NUP62CL: variants seen among roughly 807,000 people sequenced by gnomAD.
NUP62CL encodes the protein nucleoporin-62 C-terminal-like protein.
A neutral mutation model predicts 15.3 loss-of-function variants in NUP62CL; 13 were observed. That is an observed-to-expected ratio of 0.85 (90% CI 0.55 to 1.35). The LOEUF is 1.35. NUP62CL is among the 40% of genes most tolerant of loss of function. The probability of loss-of-function intolerance (pLI) is 0.00; values close to 1 mark genes in which losing one functional copy is unlikely to be tolerated. For missense variants in NUP62CL, 123 were observed against 130.6 expected (o/e 0.94, Z 0.28); for synonymous variants, 54 against 49.2 (o/e 1.10, Z -0.41).
At chrX:107,134,602 T>C in intron 8 of NUP62CL, among the ~76,000 whole-genome samples, 1 of 110,886 alleles carries the variant, frequency 9.0e-6, no homozygotes, top group Middle Eastern at 4.7e-3. Context: ...TACAGGCGTG[T>C]GCGACCATGC....
chrX:107,138,041 T>G (rs1925681114), intron 8 of NUP62CL, among the ~76,000 whole-genome samples: 1 of 111,709 alleles, frequency 9.0e-6, no homozygotes, highest in African/African-American at 3.3e-5. Flanking sequence ...TGTTGTTGTT[T>G]TTTAAGGCAC....
chrX:107,177,848 T>A (rs1926820657), intron 2 of NUP62CL, among the ~76,000 whole-genome samples: 1 of 111,625 alleles, frequency 9.0e-6, no homozygotes, highest in South Asian at 3.8e-4. Flanking sequence ...CTCTTAGGGA[T>A]ACATATATAT....
chrX:107,144,035 C>A (rs868450323), intron 8 of NUP62CL, among the ~76,000 whole-genome samples: 1 of 111,437 alleles, frequency 9.0e-6, no homozygotes, highest in Admixed American at 9.6e-5. Flanking sequence ...TTTTTCATGG[C>A]CTCCTTTGTC....
At chrX:107,172,168 A>C (rs1926668759) in intron 3 of NUP62CL, among the ~76,000 whole-genome samples, 1 of 108,074 alleles carries the variant, frequency 9.3e-6, no homozygotes, top group Admixed American at 1.0e-4. Context: ...TACTAAAAAA[A>C]AAAAAAAAAA....
chrX:107,204,424 C>A (rs968961731), intron 1 of NUP62CL, among the ~76,000 whole-genome samples: 17 of 111,041 alleles, frequency 1.5e-4, no homozygotes, highest in Admixed American at 2.9e-4. Flanking sequence ...CATCCCCCAC[C>A]CCGCTACTTC....
At chrX:107,161,277 A>G (rs1442206082) in intron 4 of NUP62CL, among the ~76,000 whole-genome samples, 1 of 101,701 alleles carries the variant, frequency 9.8e-6, no homozygotes, top group Non-Finnish European at 2.0e-5. Flanking sequence ...CCATCCCATT[A>G]CTGGGTATAT....
At chrX:107,127,422 G>T (rs940942161) in intron 8 of NUP62CL, among the ~76,000 whole-genome samples, 2 of 111,928 alleles carry the variant, frequency 1.8e-5, no homozygotes, top group Non-Finnish European at 3.8e-5. Flanking sequence ...ATTGGTTAAG[G>T]TGGTATATTT....
chrX:107,153,406 A>G (rs772541581), intron 6 of NUP62CL, 48 bp downstream of exon 6: 5 of 1,108,868 alleles, frequency 4.5e-6, no homozygotes. Flanking sequence ...AACACTGAAT[A>G]AAAAGATAGG....
chrX:107,170,116 G>A (rs554061746), intron 3 of NUP62CL, among the ~76,000 whole-genome samples: 8 of 104,653 alleles, frequency 7.6e-5, no homozygotes, highest in African/African-American at 2.1e-4. Context: ...CTAAGTGAGC[G>A]ACAGAGCGAG....
chrX:107,181,694 A>C (rs780556641), intron 2 of NUP62CL, among the ~76,000 whole-genome samples: 1 of 111,858 alleles, frequency 8.9e-6, no homozygotes, highest in Non-Finnish European at 1.9e-5. Context: ...TGTATAGATT[A>C]ATTCAAAGAT....
At chrX:107,164,896 C>T (rs888496955) in intron 4 of NUP62CL, among the ~76,000 whole-genome samples, 29 of 112,482 alleles carry the variant, frequency 2.6e-4, no homozygotes, top group African/African-American at 8.7e-4. Context: ...GTCAGGAGTT[C>T]GAGACCAGCC....
chrX:107,136,670 A>G lies in NUP62CL; in HGVS notation c.*42+11073T>C, dbSNP rs764813759. On this transcript the variant is annotated intron_variant, in intron 8 of 8. Transcript: ENST00000372466. Reference sequence around the variant, plus strand: ...ATCTCTCATACATTTAAAAATCCTCAACAAAAGACTAGATGTATTTGGCTA... The same window carrying G: ...ATCTCTCATACATTTAAAAATCCTCGACAAAAGACTAGATGTATTTGGCTA... Among the ~76,000 whole-genome samples, 8 of 112,597 alleles carry G rather than the reference A, an allele frequency of 7.1e-5. No individual in the cohort carries two copies. The South Asian group carries it at 2.9e-3, about 41-fold the overall frequency.
In NUP62CL at chrX:107,154,186, GTTCCAC is replaced by G. The variant is rs1300584181; in HGVS notation, c.249_254del (p.Glu83_Asn85delinsAsp). 2 of 1,205,380 alleles carry G rather than the reference GTTCCAC, an allele frequency of 1.7e-6. No homozygotes were observed. The highest frequency in any genetic ancestry group is 2.2e-6 in the Non-Finnish European group (2 of 890,237). On this transcript the variant is annotated inframe_deletion, in exon 5 of 9. Coordinates refer to ENST00000372466, the MANE Select transcript of NUP62CL (RefSeq NM_017681.3). ...ACTTCTCTTGATCTTCCAGCTCAAG[GTTCCAC>G]TCATTTATAAGACCCTCCAGATGAC...
intron 2 of NUP62CL, among the ~76,000 whole-genome samples, chrX:107,177,562 C>A (rs1448855930): frequency 1.8e-5 from 2 of 111,569 alleles, no homozygotes; most frequent in Non-Finnish European, 3.8e-5. Context: ...GCAGATGTGA[C>A]TGCAAGAGAA....
At chrX:107,126,731 A>C (rs1843770370) in intron 8 of NUP62CL, among the ~76,000 whole-genome samples, 1 of 112,649 alleles carries the variant, frequency 8.9e-6, no homozygotes, top group African/African-American at 3.2e-5. Context: ...TGCTAAAACT[A>C]TATTTTAAAA....
intron 1 of NUP62CL, among the ~76,000 whole-genome samples, chrX:107,204,054 A>G (rs983046023): frequency 2.9e-5 from 3 of 104,020 alleles, no homozygotes; most frequent in African/African-American, 1.1e-4. Context: ...CTTTTTTTTT[A>G]TTATTATACT....
chrX:107,203,102 A>G (rs776103043), intron 1 of NUP62CL, among the ~76,000 whole-genome samples: 7 of 109,421 alleles, frequency 6.4e-5, no homozygotes, highest in African/African-American at 2.3e-4. Context: ...AGGGGCAAAA[A>G]CTCCCAGCTC....
At chrX:107,175,452 G>T (rs1224884039) in intron 2 of NUP62CL, among the ~76,000 whole-genome samples, 1 of 111,444 alleles carries the variant, frequency 9.0e-6, no homozygotes, top group Non-Finnish European at 1.9e-5. Context: ...TCCTAAGAGG[G>T]GGGATCCACT....
rs954790637 is a variant in NUP62CL, at chrX:107,194,506, G to T, written c.-91-1434C>A. ...CTATCCCAGTCAAAATTAATAAAAT[G>T]AGATGACTAAAAATTAGTTTTTAAC... On this transcript the variant is annotated intron_variant, in intron 1 of 8. Transcript: ENST00000372466. 2.7e-5 allele frequency among the ~76,000 whole-genome samples: 3 copies of T among 111,413 alleles called. No individual in the cohort carries two copies. The Admixed American group carries it at 2.9e-4, about 11-fold the overall frequency.
Sources: gnomAD v4.1 joint callset for allele counts (sites outside exome capture counted in the v4.1 genomes callset) on GRCh38, gnomAD v4.1.1 for gene constraint, MANE v1.5 for transcripts, NCBI Gene and HGNC (gene_info 2026-07-23, HGNC 2026-07-21) for gene names.